The following LRRC31 variants were observed in gnomAD, a reference collection of about 807,000 sequenced individuals.
The protein encoded by LRRC31 is leucine rich repeat containing 31, also known as leucine-rich repeat-containing protein 31.
Under a neutral mutation model 46.7 loss-of-function variants are expected in LRRC31, and 35 were observed. The observed-to-expected ratio is 0.75, with a 90% CI of 0.57 to 0.99. The LOEUF is 0.99. LRRC31 is among the 50% of genes least tolerant of loss of function. LRRC31 has a pLI of 0.00. For missense variants in LRRC31, 613 were observed against 626.1 expected (o/e 0.98, Z 0.22); for synonymous variants, 236 against 235.1 (o/e 1.00, Z -0.03).
chr3:169,864,058 C>T (rs1781254730), intron 1 of LRRC31, among the ~76,000 whole-genome samples: 1 of 151,536 alleles, frequency 6.6e-6, no homozygotes, highest in South Asian at 2.1e-4. Context: ...AATTTCTCTG[C>T]ATTGCATCTT....
intron 8 of LRRC31, among the ~76,000 whole-genome samples, chr3:169,841,217 T>C (rs1780437861): frequency 6.6e-6 from 1 of 152,220 alleles, no homozygotes; most frequent in Admixed American, 6.5e-5. Flanking sequence ...CCAATCTATC[T>C]TCTGGTGTCT....
chr3:169,852,689 C>T (rs928176580), intron 6 of LRRC31, among the ~76,000 whole-genome samples: 11 of 152,190 alleles, frequency 7.2e-5, no homozygotes, highest in African/African-American at 2.7e-4. Context: ...CTTCTCTGGC[C>T]TTTGCCCCAA....
chr3:169,847,048 G>A (rs907150077), intron 8 of LRRC31, among the ~76,000 whole-genome samples: 11 of 152,184 alleles, frequency 7.2e-5, no homozygotes, highest in Admixed American at 3.3e-4. Flanking sequence ...TCATTGGGAG[G>A]CGCGCTCATT....
intron 3 of LRRC31, among the ~76,000 whole-genome samples, chr3:169,859,654 AG>A (rs890991547): frequency 1.3e-5 from 2 of 152,224 alleles, no homozygotes; most frequent in African/African-American, 4.8e-5. Flanking sequence ...AACTTAATGG[AG>A]GTTCTAGTTC....
rs577735704 is a variant in LRRC31 at position 169,854,871 on chromosome 3, A to G, written c.933T>C (p.His311=). 3.7e-6 allele frequency: 6 copies of G among 1,613,854 alleles called. No homozygotes were observed. In the East Asian group the frequency reaches 1.1e-4, roughly 30 times the overall value. The stretch of plus-strand genomic sequence containing the variant: ...ACTGGTGAAGATCTAGGACTTGTAG[A>G]TGCTTTAGCATGACCAACTGAGCCG... The part of the protein sequence containing the change: ...DSPAQLVMLK[H]LQVLDLHQCS... The change falls in exon 6 of 9, where the codon CAT becomes CAC. Residue 311 remains histidine (H), a synonymous_variant. Transcript: ENST00000316428.
chr3:169,869,739 T>C lies in LRRC31; in HGVS notation c.69A>G (p.Lys23=). The C allele has an allele frequency of 1.2e-6, 2 of 1,613,320 alleles. No individual in the cohort carries two copies. Among genetic ancestry groups the C allele is most frequent in the South Asian group, 2.2e-5 (2 of 90,620 alleles). Residue 23 remains lysine (K), a synonymous_variant, in exon 1 of 9, where the codon AAA becomes AAG. Coordinates refer to ENST00000316428, the MANE Select transcript of LRRC31 (RefSeq NM_024727.4). The part of the protein sequence containing the change: ...ETKPQTSTVN[K]FLRGSNAESR... ...TTTCAGCATTGGAGCCCCTGAGAAA[T>C]TTGTTGACAGTTGAAGTCTGGGGCT...
intron 7 of LRRC31, among the ~76,000 whole-genome samples, chr3:169,850,431 C>T (rs1780723151): frequency 6.6e-6 from 1 of 152,136 alleles, no homozygotes; most frequent in Non-Finnish European, 1.5e-5. Flanking sequence ...GATACGTAGC[C>T]TTCAGCCCTG....
At chr3:169,844,590 G>T (rs180686929) in intron 8 of LRRC31, among the ~76,000 whole-genome samples, 90 of 152,226 alleles carry the variant, frequency 5.9e-4, no homozygotes, top group Admixed American at 2.1e-3. Context: ...AATCTAGCCA[G>T]CTAAATAACC....
In LRRC31 at chr3:169,839,980, G is replaced by T; in HGVS notation, c.*2C>A. ...TAGCTTAGTAGGACATGGGAAATCA[G>T]TTTACTGAAACCCACCATGGTCAAA... is the stretch of plus-strand genomic sequence containing the variant. On this transcript the variant is annotated 3_prime_UTR_variant, in exon 9 of 9. Transcript: ENST00000316428. The T allele has an allele frequency of 1.9e-6, 3 of 1,603,870 alleles. No homozygotes were observed. Among genetic ancestry groups the T allele is most frequent in the Non-Finnish European group, 2.6e-6 (3 of 1,174,290 alleles).
At position 169,861,742 on chromosome 3, in the gene LRRC31, C is replaced by T; in HGVS notation, c.247G>A (p.Gly83Ser). ...AGACACTTGTTGACAGCCTTTTTGC[C>T]CAGCTTCTGCAGGAAATGCTCATTT... ...EKNEHFLQKL[G>S]KKAVNKCLDL... Residue 83 changes from glycine to serine, a missense_variant, in exon 2 of 9, where the codon GGC (glycine) becomes AGC (serine). Gly to Ser is a moderately conservative substitution (Grantham distance 56). Coordinates refer to ENST00000316428, the MANE Select transcript of LRRC31 (RefSeq NM_024727.4). 1 of 1,614,094 alleles carries T rather than the reference C, an allele frequency of 6.2e-7. No individual in the cohort carries two copies. Among genetic ancestry groups the T allele is most frequent in the East Asian group, 2.2e-5 (1 of 44,884 alleles).
chr3:169,856,989 T>C, intron 3 of LRRC31, 117 bp from the exon 4 acceptor site: 1 of 899,848 alleles, frequency 1.1e-6, no homozygotes, highest in African/African-American at 1.7e-5. Flanking sequence ...GGTACTGTCC[T>C]GTTTGGCACC....
At chr3:169,850,497 C>T (rs564609837) in intron 7 of LRRC31, among the ~76,000 whole-genome samples, 1 of 152,326 alleles carries the variant, frequency 6.6e-6, no homozygotes, top group African/African-American at 2.4e-5. Flanking sequence ...GAAGGGGTGC[C>T]TGTGAGCTCC....
At chr3:169,852,402 CAAAAAAAAA>C (rs11344242) in intron 6 of LRRC31, among the ~76,000 whole-genome samples, 1 of 88,486 alleles carries the variant, frequency 1.1e-5, no homozygotes, top group Non-Finnish European at 2.4e-5. Flanking sequence ...GACTCCGTCT[CAAAAAAAAA>C]AAAAAAAAAA....
chr3:169,858,739 C>T (rs1448293005), intron 3 of LRRC31, among the ~76,000 whole-genome samples: 2 of 152,200 alleles, frequency 1.3e-5, no homozygotes, highest in Non-Finnish European at 2.9e-5. Flanking sequence ...CATGGTGGCT[C>T]ACGCCTGTAA....
rs1240056375 is a variant in LRRC31 at position 169,854,976 on chromosome 3, A to G, written c.828T>C (p.Ala276=). The G allele has an allele frequency of 1.2e-6, 2 of 1,607,078 alleles. No individual in the cohort carries two copies. Among genetic ancestry groups the G allele is most frequent in the Non-Finnish European group, 8.5e-7 (1 of 1,178,642 alleles). Residue 276 remains alanine, a synonymous_variant, in exon 6 of 9, where the codon GCT becomes GCC. Coordinates refer to ENST00000316428, the MANE Select transcript of LRRC31 (RefSeq NM_024727.4). Reference sequence around the variant, plus strand: ...TCAGCTCACCCAAATACCTAAAAGCAGCATCTACAAAGAAAGTCAGAATCC... The same window carrying G: ...TCAGCTCACCCAAATACCTAAAAGCGGCATCTACAAAGAAAGTCAGAATCC... ...LSQKSVKILD[A]AFRYLGELRK... is the part of the protein sequence containing the mutation.
intron 8 of LRRC31, among the ~76,000 whole-genome samples, chr3:169,843,900 T>G (rs1457038709): frequency 5.3e-5 from 8 of 152,180 alleles, no homozygotes; most frequent in Non-Finnish European, 1.2e-4. Flanking sequence ...TAAGAAGAAA[T>G]AGACAACTGG....
intron 7 of LRRC31, among the ~76,000 whole-genome samples, chr3:169,848,876 G>A (rs558750122): frequency 6.6e-6 from 1 of 152,216 alleles, no homozygotes; most frequent in Non-Finnish European, 1.5e-5. Context: ...AGGAGAAAGA[G>A]GCAAAGTGCT....
At chr3:169,843,454 G>A (rs1004365980) in intron 8 of LRRC31, among the ~76,000 whole-genome samples, 26 of 152,306 alleles carry the variant, frequency 1.7e-4, no homozygotes, top group Admixed American at 6.5e-5. Context: ...ACAGAGAACC[G>A]ACACAAGCTG....
intron 1 of LRRC31, among the ~76,000 whole-genome samples, chr3:169,865,897 G>C (rs1781315145): frequency 6.6e-6 from 1 of 152,086 alleles, no homozygotes. Context: ...CATCTTTCTA[G>C]CCACAAAGAA....
Sources: gnomAD v4.1 joint callset for allele counts (sites outside exome capture counted in the v4.1 genomes callset) on GRCh38, gnomAD v4.1.1 for gene constraint, MANE v1.5 for transcripts, NCBI Gene and HGNC (gene_info 2026-07-23, HGNC 2026-07-21) for gene names.